Variants in IGSF11 observed in about 807,000 individuals in gnomAD.
IGSF11 encodes the protein immunoglobulin superfamily member 11.
A neutral mutation model predicts 41.0 loss-of-function variants in IGSF11; 22 were observed. That is an observed-to-expected ratio of 0.54 (90% CI 0.38 to 0.77). IGSF11 has a LOEUF of 0.77. IGSF11 is among the 30% of genes least tolerant of loss of function. The pLI, the probability that IGSF11 is intolerant of heterozygous loss-of-function variation, is 0.00. For synonymous variants in IGSF11, 219 were observed against 201.3 expected (o/e 1.09, Z -0.74); for missense variants, 444 against 530.8 (o/e 0.84, Z 1.61).
At chr3:118,920,156 G>T (rs1941617061) in intron 4 of IGSF11, among the ~76,000 whole-genome samples, 1 of 147,200 alleles carries the variant, frequency 6.8e-6, no homozygotes, top group African/African-American at 2.5e-5. Context: ...ATATACCTAA[G>T]GCTAGATGAC....
intron 1 of IGSF11, among the ~76,000 whole-genome samples, chr3:119,143,967 A>G (rs1225326256): frequency 6.6e-6 from 1 of 152,230 alleles, no homozygotes; most frequent in African/African-American, 2.4e-5. Context: ...TGTAGAAAAC[A>G]ACAAGCTCAA....
chr3:119,105,084 G>T, intron 1 of IGSF11: 1 of 1,086,290 alleles, frequency 9.2e-7, no homozygotes, highest in Non-Finnish European at 1.4e-6. Context: ...CACTCAGCCA[G>T]GCCATAAGAG....
chr3:118,986,406 T>G (rs1273243737), intron 1 of IGSF11, among the ~76,000 whole-genome samples: 2 of 152,226 alleles, frequency 1.3e-5, no homozygotes, highest in East Asian at 3.8e-4. Flanking sequence ...GAACTGAATT[T>G]TATTCATTAA....
chr3:119,055,483 AC>A (rs1327580758), intron 1 of IGSF11, among the ~76,000 whole-genome samples: 1 of 152,182 alleles, frequency 6.6e-6, no homozygotes, highest in Non-Finnish European at 1.5e-5. Flanking sequence ...GTCCTTAGTG[AC>A]CTACAAAGAG....
chr3:119,077,032 T>G (rs1559853823), intron 1 of IGSF11, among the ~76,000 whole-genome samples: 1 of 152,198 alleles, frequency 6.6e-6, no homozygotes, highest in Non-Finnish European at 1.5e-5. Context: ...ATGTCCACAA[T>G]GATAGACTGG....
intron 1 of IGSF11, among the ~76,000 whole-genome samples, chr3:119,137,961 AC>A (rs71156732): frequency 0.13 from 20,210 of 152,098 alleles, 1,385 homozygotes; most frequent in East Asian, 0.23. Context: ...GAAAAAGTGC[AC>A]AACATCATTG....
intron 4 of IGSF11, among the ~76,000 whole-genome samples, chr3:118,917,901 T>A (rs1941337776): frequency 6.3e-5 from 8 of 127,592 alleles, no homozygotes; most frequent in African/African-American, 2.5e-4. Flanking sequence ...TCAAAAAGCT[T>A]ATCCACCATG....
chr3:119,134,077 A>G (rs1255405937), intron 1 of IGSF11, among the ~76,000 whole-genome samples: 2 of 152,180 alleles, frequency 1.3e-5, no homozygotes, highest in African/African-American at 2.4e-5. Context: ...AAATAATAAG[A>G]GCTATTTATG....
At chr3:118,949,139 A>C (rs1401665672) in intron 1 of IGSF11, 3 of 152,150 alleles carry the variant, frequency 2.0e-5, no homozygotes, top group Non-Finnish European at 4.4e-5. Context: ...GACAAAGGGC[A>C]CAAGAGGCAC....
intron 1 of IGSF11, chr3:118,948,104 A>T (rs1435747541): frequency 1.3e-5 from 2 of 152,240 alleles, no homozygotes; most frequent in Non-Finnish European, 2.9e-5. Context: ...ACACAGAAAC[A>T]TGCTGTGAAA....
At chr3:118,983,141 T>C (rs1483113364) in intron 1 of IGSF11, among the ~76,000 whole-genome samples, 1 of 152,206 alleles carries the variant, frequency 6.6e-6, no homozygotes, top group Non-Finnish European at 1.5e-5. Context: ...GGTGAACATG[T>C]AAGCACTGCC....
At chr3:119,115,218 G>A (rs2077238929) in intron 1 of IGSF11, among the ~76,000 whole-genome samples, 1 of 152,220 alleles carries the variant, frequency 6.6e-6, no homozygotes, top group Non-Finnish European at 1.5e-5. Flanking sequence ...TGAAAGTGCA[G>A]CTATCTCTTT....
At chr3:119,077,377 C>A (rs1384102609) in intron 1 of IGSF11, among the ~76,000 whole-genome samples, 2 of 151,922 alleles carry the variant, frequency 1.3e-5, no homozygotes, top group African/African-American at 4.8e-5. Flanking sequence ...TGTAACAAAC[C>A]TACACGTTGT....
intron 1 of IGSF11, among the ~76,000 whole-genome samples, chr3:119,082,446 G>A (rs1012530743): frequency 2.0e-5 from 3 of 152,096 alleles, no homozygotes; most frequent in African/African-American, 7.2e-5. Context: ...AACTATTACA[G>A]GTTCTAAGAA....
chr3:119,047,645 A>T (rs1223013785), intron 1 of IGSF11, among the ~76,000 whole-genome samples: 8 of 152,196 alleles, frequency 5.3e-5, no homozygotes, highest in Admixed American at 4.6e-4. Context: ...CACCAAGAGG[A>T]CGTAATAGAC....
In IGSF11 at chr3:118,902,270, G is replaced by T. The variant is rs1938956263; in HGVS notation, c.*250C>A. 1 of 445,844 alleles carries T rather than the reference G, an allele frequency of 2.2e-6. No homozygotes were observed. The highest frequency in any genetic ancestry group is 4.0e-6 in the Non-Finnish European group (1 of 249,466). The allele number at this position is 445,844 out of a possible 1,614,324, so 27.6% of individuals were successfully genotyped here. ...ATTCTGCTCTTGTATCTTTTTCCTTGGCTTGGCACATCTTTGAGATCCAGC... is the reference window on the plus strand; with the variant it reads ...ATTCTGCTCTTGTATCTTTTTCCTTTGCTTGGCACATCTTTGAGATCCAGC... On this transcript the variant is annotated 3_prime_UTR_variant, in exon 7 of 7. Transcript: ENST00000393775.
At chr3:119,001,854 C>G (rs1379594837) in intron 1 of IGSF11, among the ~76,000 whole-genome samples, 1 of 130,120 alleles carries the variant, frequency 7.7e-6, no homozygotes, top group Non-Finnish European at 1.6e-5. Flanking sequence ...GCCACATTTT[C>G]TTAATCCAGT....
intron 4 of IGSF11, among the ~76,000 whole-genome samples, chr3:118,919,033 G>T (rs201028340): frequency 0.011 from 1,272 of 112,482 alleles, 7 homozygotes; most frequent in African/African-American, 0.039. Context: ...TAATAAATGG[G>T]GCTGGGAAAA....
At position 118,902,697 on chromosome 3, in the gene IGSF11, T is replaced by C. The variant is rs369634107; in HGVS notation, c.1119A>G (p.Val373=). ...HLVPGQHKTL[V]VTANRGSSPQ... ...GTGATGACCCTCTGTTGGCTGTCAC[T>C]ACCAGAGTCTTATGTTGACCCGGGA... Residue 373 remains valine, a synonymous_variant, in exon 7 of 7, where the codon GTA becomes GTG. Transcript: ENST00000393775. 3.7e-6 allele frequency: 6 copies of C among 1,614,148 alleles called. No individual in the cohort carries two copies. Among genetic ancestry groups the C allele is most frequent in the Middle Eastern group, 1.6e-4 (1 of 6,062 alleles).
Sources: gnomAD v4.1 joint callset for allele counts (sites outside exome capture counted in the v4.1 genomes callset) on GRCh38, gnomAD v4.1.1 for gene constraint, MANE v1.5 for transcripts, NCBI Gene and HGNC (gene_info 2026-07-23, HGNC 2026-07-21) for gene names.